The following GBP7 variants were observed in gnomAD, a reference collection of about 807,000 sequenced individuals.
GBP7 encodes the protein guanylate binding protein 7.
A neutral mutation model predicts 61.3 loss-of-function variants in GBP7; 43 were observed. The observed-to-expected ratio is 0.70, with a 90% CI of 0.55 to 0.91. GBP7 has a LOEUF of 0.91. Ranked by LOEUF, GBP7 falls within the 40% of genes least tolerant of loss-of-function variation. The pLI is 0.00. For missense variants in GBP7, 717 were observed against 740.5 expected, an observed-to-expected ratio of 0.97 and a Z score of 0.37; for synonymous variants, 267 against 271.0, an observed-to-expected ratio of 0.99 and a Z score of 0.14.
rs1682164753 is a variant in GBP7 at position 89,150,376 on chromosome 1, A to G, written c.825T>C (p.His275=). Residue 275 remains histidine (H), a synonymous_variant, in exon 6 of 11, where the codon CAT becomes CAC. Coordinates refer to ENST00000294671, the MANE Select transcript of GBP7 (RefSeq NM_207398.3). The part of the protein sequence containing the change: ...SENFCSYIFT[H]AKTKTLREGI... ...CCTCTCTCAGGGTCTTGGTCTTTGCATGGGTGAAGATATAAGAACAGAAAT... is the reference window on the plus strand; with the variant it reads ...CCTCTCTCAGGGTCTTGGTCTTTGCGTGGGTGAAGATATAAGAACAGAAAT... 1 of 1,613,970 alleles carries G rather than the reference A, an allele frequency of 6.2e-7. No homozygotes were observed. Among genetic ancestry groups the G allele is most frequent in the Non-Finnish European group, 8.5e-7 (1 of 1,179,866 alleles).
At chr1:89,140,003 T>C (rs991696144) in intron 9 of GBP7, among the ~76,000 whole-genome samples, 3 of 152,076 alleles carry the variant, frequency 2.0e-5, no homozygotes, top group African/African-American at 7.2e-5. Flanking sequence ...ATATGTTTAT[T>C]GCGGCACTAT....
chr1:89,161,183 A>G (rs1647257612), intron 3 of GBP7, among the ~76,000 whole-genome samples: 1 of 152,108 alleles, frequency 6.6e-6, no homozygotes. Flanking sequence ...TCTATCATTT[A>G]TGGGCCTTTA....
At chr1:89,147,490 C>G in intron 8 of GBP7, 77 bp downstream of exon 8, 1 of 1,132,266 alleles carries the variant, frequency 8.8e-7, no homozygotes, top group South Asian at 1.3e-5. Flanking sequence ...GTGCTGTGTT[C>G]TTAGATTTTC....
rs768193411 is a variant in GBP7 at position 89,149,547 on chromosome 1, G to T, written c.897C>A (p.Tyr299Ter). 1.9e-6 allele frequency: 3 copies of T among 1,613,876 alleles called. No individual in the cohort carries two copies. The South Asian group carries it at 3.3e-5, about 18-fold the overall frequency. The change falls in exon 7 of 11, where the codon TAC becomes TAA. Residue 299 changes from tyrosine to a stop codon, truncating the protein, a stop_gained. Transcript: ENST00000294671. LOFTEE classifies it high-confidence loss of function. ...GNRLGMLVET[Y>*]LDAINSGATP... ...TCGCTCCACTGTTGATGGCATCCAG[G>T]TAGGTCTCCACCAGCATCCCCAGCC...
chr1:89,160,098 A>T (rs1226273729), intron 3 of GBP7, among the ~76,000 whole-genome samples: 1 of 152,182 alleles, frequency 6.6e-6, no homozygotes, highest in Non-Finnish European at 1.5e-5. Flanking sequence ...ATTTTGAGCA[A>T]ACTATCACAA....
chr1:89,160,481 G>A (rs747848407), intron 3 of GBP7, among the ~76,000 whole-genome samples: 7 of 152,114 alleles, frequency 4.6e-5, no homozygotes, highest in African/African-American at 1.4e-4. Context: ...CAGCTTGACT[G>A]CTGGTAGCTG....
intron 8 of GBP7, among the ~76,000 whole-genome samples, chr1:89,141,883 G>A (rs1383970769): frequency 6.6e-6 from 1 of 152,036 alleles, no homozygotes; most frequent in African/African-American, 2.4e-5. Context: ...CTTCTCCCAG[G>A]GATGCTGCTC....
intron 3 of GBP7, among the ~76,000 whole-genome samples, chr1:89,164,068 C>A (rs950601923): frequency 6.6e-6 from 1 of 152,124 alleles, no homozygotes; most frequent in African/African-American, 2.4e-5. Context: ...TGGGGTTTCA[C>A]CATGTTGGCT....
At chr1:89,140,074 A>C (rs1363710433) in intron 9 of GBP7, among the ~76,000 whole-genome samples, 1 of 152,190 alleles carries the variant, frequency 6.6e-6, no homozygotes, top group Non-Finnish European at 1.5e-5. Context: ...TGGATTGAGA[A>C]GATGTGGCAC....
rs559858618 is a variant in GBP7 at position 89,167,750 on chromosome 1, G to A, written c.191-2892C>T. 6.6e-5 allele frequency among the ~76,000 whole-genome samples: 10 copies of A among 152,258 alleles called. No individual in the cohort carries two copies. The East Asian group carries it at 1.9e-3, about 29-fold the overall frequency. On this transcript the variant is annotated intron_variant, in intron 2 of 10. Transcript: ENST00000294671. Reference sequence around the variant, plus strand: ...ATGCAGCAGGGAAAATGTGGTCATGGGTTGGACAACTAAGGCAATGACTGT... The same window carrying A: ...ATGCAGCAGGGAAAATGTGGTCATGAGTTGGACAACTAAGGCAATGACTGT...
chr1:89,168,988 A>ACAAAC (rs60861317), intron 2 of GBP7, among the ~76,000 whole-genome samples: 14 of 151,018 alleles, frequency 9.3e-5, no homozygotes, highest in African/African-American at 2.9e-4. Flanking sequence ...AAAAAAACAA[A>ACAAAC]AAACAAAAAA....
intron 9 of GBP7, among the ~76,000 whole-genome samples, chr1:89,137,083 C>G (rs966954296): frequency 6.6e-6 from 1 of 151,978 alleles, no homozygotes; most frequent in African/African-American, 2.4e-5. Flanking sequence ...TGGAAACATA[C>G]AACCTACCAA....
At chr1:89,152,573 A>G (rs113362989) in intron 4 of GBP7, 95 bp downstream of exon 4, 3 of 1,499,824 alleles carry the variant, frequency 2.0e-6, no homozygotes, top group African/African-American at 1.4e-5. Flanking sequence ...TTCTTACTCA[A>G]CCAGGACAAC....
At chr1:89,132,990 A>G (rs1040744945) in intron 10 of GBP7, among the ~76,000 whole-genome samples, 2 of 152,200 alleles carry the variant, frequency 1.3e-5, no homozygotes, top group Non-Finnish European at 2.9e-5. Context: ...TAATTGGGGC[A>G]CAGTGAGACC....
At chr1:89,136,325 T>TA (rs1030971863) in intron 9 of GBP7, among the ~76,000 whole-genome samples, 28 of 152,274 alleles carry the variant, frequency 1.8e-4, no homozygotes, top group African/African-American at 5.8e-4. Context: ...AACAGACATC[T>TA]ACAGAACACT....
intron 4 of GBP7, 67 bp downstream of exon 4, chr1:89,152,601 G>T: frequency 6.5e-7 from 1 of 1,531,206 alleles, no homozygotes; most frequent in Non-Finnish European, 9.0e-7. Context: ...CAACAAAGAA[G>T]ACACAGTATC....
chr1:89,151,448 A>T (rs1327132011), intron 5 of GBP7, among the ~76,000 whole-genome samples: 1 of 152,244 alleles, frequency 6.6e-6, no homozygotes, highest in Non-Finnish European at 1.5e-5. Flanking sequence ...AATGTTTGAA[A>T]GAGACGGAAA....
chr1:89,153,485 C>T (rs758356801), intron 3 of GBP7, among the ~76,000 whole-genome samples: 12 of 152,272 alleles, frequency 7.9e-5, no homozygotes, highest in South Asian at 2.1e-4. Context: ...AATTAGTGAA[C>T]AATAATCCTT....
At chr1:89,168,698 G>C (rs1041788803) in intron 2 of GBP7, among the ~76,000 whole-genome samples, 1 of 152,058 alleles carries the variant, frequency 6.6e-6, no homozygotes, top group African/African-American at 2.4e-5. Flanking sequence ...ATTTTGGGAG[G>C]CCAAGGCGGG....
Sources: allele counts gnomAD v4.1 joint callset (sites outside exome capture counted in the v4.1 genomes callset), GRCh38; gene constraint gnomAD v4.1.1; transcripts MANE v1.5; gene names NCBI Gene and HGNC (gene_info 2026-07-23, HGNC 2026-07-21).